The following RGS5 variants were observed in gnomAD, a reference collection of about 807,000 sequenced individuals.
The protein encoded by RGS5 is regulator of G-protein signalling 5.
A neutral mutation model predicts 18.9 loss-of-function variants in RGS5; 20 were observed. The ratio of observed to expected loss-of-function variants is 1.06; its 90% CI spans 0.74 to 1.54. The LOEUF is 1.54. Ranked by LOEUF, RGS5 falls within the 40% of genes most tolerant of loss-of-function variation. The pLI, the probability that RGS5 is intolerant of heterozygous loss-of-function variation, is 0.00. For missense variants in RGS5, 201 were observed against 211.8 expected (o/e 0.95, Z 0.32); for synonymous variants, 57 against 76.2 (o/e 0.75, Z 1.31).
rs912528076 is a variant in RGS5 at position 163,262,143 on chromosome 1, T to C, written c.-281+44090A>G. Among the ~76,000 whole-genome samples, 3 of 137,226 alleles carry C rather than the reference T, an allele frequency of 2.2e-5. No homozygotes were observed. The South Asian group carries it at 7.0e-4, about 32-fold the overall frequency. 90.0% of individuals were successfully genotyped at this position (137,226 alleles called of 152,430 possible). On this transcript the variant is annotated intron_variant, in intron 2 of 5. Coordinates refer to the RGS5 transcript ENST00000618415. ...TGGGAGAAGAGCTGATCACACTGAGTTTTGAAACTTTTTTTTTTTTTTTTT... is the reference window on the plus strand; with the variant it reads ...TGGGAGAAGAGCTGATCACACTGAGCTTTGAAACTTTTTTTTTTTTTTTTT...
At chr1:163,154,171 C>A (rs1657493894) in intron 3 of RGS5, among the ~76,000 whole-genome samples, 1 of 152,096 alleles carries the variant, frequency 6.6e-6, no homozygotes, top group Admixed American at 6.5e-5. Flanking sequence ...TCATTTATTC[C>A]TTTTACCTAT....
intron 2 of RGS5, among the ~76,000 whole-genome samples, chr1:163,262,151 C>CT (rs532698783): frequency 0.22 from 26,274 of 121,000 alleles, 3,208 homozygotes; most frequent in African/African-American, 0.29. Flanking sequence ...AGTTTTGAAA[C>CT]TTTTTTTTTT....
At chr1:163,204,860 A>G (rs1030348696), upstream of RGS5, among the ~76,000 whole-genome samples, 1 of 152,216 alleles carries the variant, frequency 6.6e-6, no homozygotes, top group Non-Finnish European at 1.5e-5. Flanking sequence ...AGATAATAAT[A>G]TGAAAAGAAA....
chr1:163,266,005 A>G (rs911402956), intron 2 of RGS5, among the ~76,000 whole-genome samples: 2 of 152,108 alleles, frequency 1.3e-5, no homozygotes, highest in East Asian at 1.9e-4. Context: ...TGTGCCCTAG[A>G]GTTATCAGCC....
chr1:163,173,841 C>T (rs974113823), intron 1 of RGS5, among the ~76,000 whole-genome samples: 1 of 152,118 alleles, frequency 6.6e-6, no homozygotes, highest in South Asian at 2.1e-4. Flanking sequence ...TTTAGGAGGC[C>T]GAGGTGGGTG....
chr1:163,253,711 A>G (rs1339538911), intron 2 of RGS5, among the ~76,000 whole-genome samples: 1 of 151,824 alleles, frequency 6.6e-6, no homozygotes. Flanking sequence ...CAGGTTAGTT[A>G]CATATGTATA....
At chr1:163,285,835 G>A (rs923381034) in intron 2 of RGS5, among the ~76,000 whole-genome samples, 50 of 151,842 alleles carry the variant, frequency 3.3e-4, no homozygotes, top group African/African-American at 1.1e-3. Flanking sequence ...CTTCCCCTTT[G>A]CCTTTGCCAT....
At chr1:163,295,892 T>C (rs1649409052) in intron 2 of RGS5, among the ~76,000 whole-genome samples, 1 of 152,214 alleles carries the variant, frequency 6.6e-6, no homozygotes, top group African/African-American at 2.4e-5. Context: ...GACTGCCTGT[T>C]ATTATGCTAA....
At chr1:163,246,906 A>G (rs1195935050) in intron 2 of RGS5, among the ~76,000 whole-genome samples, 2 of 152,232 alleles carry the variant, frequency 1.3e-5, no homozygotes, top group Admixed American at 1.3e-4. Context: ...ATAGCCATAA[A>G]AAGAATGAAA....
chr1:163,255,640 C>T (rs1184920589), intron 2 of RGS5, among the ~76,000 whole-genome samples: 4 of 150,414 alleles, frequency 2.7e-5, no homozygotes, highest in South Asian at 2.1e-4. Context: ...ATACCAAAGC[C>T]GGGCAGAGAC....
At chr1:163,169,150 A>T (rs1168665260) in intron 1 of RGS5, among the ~76,000 whole-genome samples, 2 of 151,968 alleles carry the variant, frequency 1.3e-5, no homozygotes, top group African/African-American at 4.8e-5. Context: ...GCTGAGAATG[A>T]TGGTTTCCAG....
intron 1 of RGS5, chr1:163,212,296 T>A (rs1660125621): frequency 6.6e-6 from 1 of 152,218 alleles, no homozygotes; most frequent in Admixed American, 6.5e-5. Context: ...GTTTTATTTG[T>A]CTTTGGGTCC....
chr1:163,173,611 G>T (rs544370909), intron 1 of RGS5, among the ~76,000 whole-genome samples: 26 of 152,284 alleles, frequency 1.7e-4, no homozygotes, highest in African/African-American at 6.3e-4. Context: ...TATTCCACCA[G>T]AATGTGTGAA....
intron 2 of RGS5, among the ~76,000 whole-genome samples, chr1:163,273,297 C>T (rs1242262097): frequency 1.3e-5 from 2 of 152,070 alleles, no homozygotes; most frequent in South Asian, 2.1e-4. Flanking sequence ...AGCCAATTTA[C>T]GGTCTAGGCA....
chr1:163,168,469 C>A, intron 1 of RGS5, 101 bp from the exon 2 acceptor site: 1 of 808,214 alleles, frequency 1.2e-6, no homozygotes, highest in South Asian at 1.7e-5. Context: ...TGAACAAAAT[C>A]CCATTTCACT....
At chr1:163,194,241 G>A (rs1242905614) in intron 1 of RGS5, among the ~76,000 whole-genome samples, 1 of 152,088 alleles carries the variant, frequency 6.6e-6, no homozygotes, top group Non-Finnish European at 1.5e-5. Context: ...AAAGAAATAT[G>A]GGGTTCTTAA....
intron 1 of RGS5, among the ~76,000 whole-genome samples, chr1:163,201,704 T>G (rs1291576076): frequency 1.3e-5 from 2 of 152,116 alleles, no homozygotes; most frequent in African/African-American, 4.8e-5. Flanking sequence ...TTAAAAATTA[T>G]TTTTAGGTTA....
chr1:163,254,639 A>C (rs1215160236), intron 2 of RGS5, among the ~76,000 whole-genome samples: 1 of 152,090 alleles, frequency 6.6e-6, no homozygotes. Context: ...TGTGCAGAAG[A>C]ACTTTAGTTT....
At chr1:163,223,654 T>C (rs1354349933) in intron 2 of RGS5, among the ~76,000 whole-genome samples, 2 of 152,172 alleles carry the variant, frequency 1.3e-5, no homozygotes, top group Non-Finnish European at 2.9e-5. Flanking sequence ...TAGCACTACT[T>C]CCAGCTATAC....
Sources: gnomAD v4.1 joint callset for allele counts (sites outside exome capture counted in the v4.1 genomes callset) on GRCh38, gnomAD v4.1.1 for gene constraint, MANE v1.5 for transcripts, NCBI Gene and HGNC (gene_info 2026-07-23, HGNC 2026-07-21) for gene names.